Variants in SLC2A7 observed in about 807,000 individuals in gnomAD.
SLC2A7 encodes solute carrier family 2 member 7, also known as solute carrier family 2, facilitated glucose transporter member 7.
Under a neutral mutation model 50.5 loss-of-function variants are expected in SLC2A7, and 50 were observed. The observed-to-expected ratio is 0.99, with a 90% CI of 0.79 to 1.25. The LOEUF is 1.25. Among genes scored for constraint, SLC2A7 ranks in the 50% most tolerant of loss-of-function variants. The pLI is 0.00. For missense variants in SLC2A7, 683 were observed against 679.1 expected (o/e 1.01, Z -0.06); for synonymous variants, 308 against 300.4 (o/e 1.03, Z -0.26).
intron 1 of SLC2A7, among the ~76,000 whole-genome samples, chr1:9,025,524 T>C (rs975139718): frequency 1.3e-5 from 2 of 152,042 alleles, no homozygotes; most frequent in Admixed American, 1.3e-4. Context: ...AGAGACTGTG[T>C]TCAGTAGGGT....
the SLC2A7 span, among the ~76,000 whole-genome samples, chr1:8,994,697 G>A: frequency 2.8e-3 from 424 of 152,244 alleles, no homozygotes; most frequent in Non-Finnish European, 4.6e-3. Flanking sequence ...TTAGGGACTG[G>A]TTTAAGGTCA....
rs1330883499 is a variant in SLC2A7 at position 9,023,835 on chromosome 1, CTTCTTTTTTTTT to C, written c.151-769_151-758del. Among the ~76,000 whole-genome samples, 91 of 65,990 alleles carry C rather than the reference CTTCTTTTTTTTT, an allele frequency of 1.4e-3. 12 individuals carry two copies. The highest frequency in any genetic ancestry group is 9.3e-3 in the East Asian group (14 of 1,502). 43.3% of individuals were successfully genotyped at this position (65,990 alleles called of 152,430 possible). ...CAGAGGCACCATAGGAAATATTCTT[CTTCTTTTTTTTT>C]TTTTTTTTTTTTTTTTTTTTTTTTT... On this transcript the variant is annotated intron_variant, in intron 2 of 11. Coordinates refer to ENST00000400906, the MANE Select transcript of SLC2A7 (RefSeq NM_207420.3).
In SLC2A7 at chr1:9,008,924, G is replaced by C. The variant is rs1640700598; in HGVS notation, c.1116+1219C>G. Among the ~76,000 whole-genome samples, 1 of 152,200 alleles carries C rather than the reference G, an allele frequency of 6.6e-6. No individual in the cohort carries two copies. Among genetic ancestry groups the C allele is most frequent in the Non-Finnish European group, 1.5e-5 (1 of 68,040 alleles). On this transcript the variant is annotated intron_variant, in intron 9 of 11. Coordinates refer to ENST00000400906, the MANE Select transcript of SLC2A7 (RefSeq NM_207420.3). The surrounding 1 kb of genome is among the most constrained non-coding windows in gnomAD (Gnocchi z 5.9). The stretch of plus-strand genomic sequence containing the variant: ...AACTTATACTGGTTTTAAAATTAAA[G>C]AAGAAAGTTCTTTCCGAGGGAAACT...
chr1:9,015,320 G>A lies in SLC2A7; in HGVS notation c.590-78C>T, dbSNP rs967192405. On this transcript the variant is annotated intron_variant, in intron 5 of 11. Transcript: ENST00000400906. ...CCTACCACTGTGCTCGGAAGGTCAC[G>A]CTCCTATGTGTGAACCAAGGACTGT... 22 of 1,456,242 alleles carry A rather than the reference G, an allele frequency of 1.5e-5. No homozygotes were observed. The Admixed American group carries it at 1.6e-4, about 10-fold the overall frequency. The allele number at this position is 1,456,242 out of a possible 1,614,324, so 90.2% of individuals were successfully genotyped here. A position where few individuals can be genotyped will look rare whatever the true frequency, so the allele number is the denominator to read the frequency against.
intron 8 of SLC2A7, among the ~76,000 whole-genome samples, chr1:9,012,410 C>CTG (rs1640762125): frequency 6.6e-6 from 1 of 152,132 alleles, no homozygotes; most frequent in Admixed American, 6.5e-5. Flanking sequence ...CAGGGGAAAA[C>CTG]TGGGGATGGG....
In SLC2A7 at chr1:9,015,205, G is replaced by A. The variant is rs767895324; in HGVS notation, c.627C>T (p.Ala209=). The change falls in exon 6 of 12, where the codon GCC becomes GCT. Residue 209 remains alanine, a synonymous_variant. Coordinates refer to ENST00000400906, the MANE Select transcript of SLC2A7 (RefSeq NM_207420.3). ...PVLLALTGVP[A]LLQLLTLPFF... Reference sequence around the variant, plus strand: ...AGGGCAGGGTCAGCAGCTGCAGCAGGGCGGGCACCCCTGTGAGCGCCAGAA... The same window carrying A: ...AGGGCAGGGTCAGCAGCTGCAGCAGAGCGGGCACCCCTGTGAGCGCCAGAA... 2 of 1,609,006 alleles carry A rather than the reference G, an allele frequency of 1.2e-6. No homozygotes were observed. The highest frequency in any genetic ancestry group is 1.7e-6 in the Non-Finnish European group (2 of 1,178,486).
intron 1 of SLC2A7, among the ~76,000 whole-genome samples, chr1:9,026,021 G>A (rs1041450442): frequency 6.6e-6 from 1 of 152,210 alleles, no homozygotes; most frequent in African/African-American, 2.4e-5. Context: ...AAGGGTAGGG[G>A]AAGCGGAGGG....
intron 10 of SLC2A7, among the ~76,000 whole-genome samples, chr1:9,005,116 C>A (rs1640635902): frequency 6.6e-6 from 1 of 152,232 alleles, no homozygotes; most frequent in South Asian, 2.1e-4. Flanking sequence ...TCCATTGCTG[C>A]TTCTTCAAGG....
At position 9,015,044 on chromosome 1, in the gene SLC2A7, T is replaced by TGTGGCCCTGACC; in HGVS notation, c.715+61_715+72dup. ...ACCCCTGACCCATGGCGACCCTGAC[T>TGTGGCCCTGACC]GTGGCCCTGACCGTGTCTCTGCCTG... On this transcript the variant is annotated intron_variant, in intron 6 of 11. Coordinates refer to ENST00000400906, the MANE Select transcript of SLC2A7 (RefSeq NM_207420.3). 3.8e-6 allele frequency: 6 copies of TGTGGCCCTGACC among 1,589,422 alleles called. No individual in the cohort carries two copies. The East Asian group carries it at 6.8e-5, about 18-fold the overall frequency.
At chr1:9,023,997 A>G (rs1022831813) in intron 2 of SLC2A7, among the ~76,000 whole-genome samples, 1 of 151,788 alleles carries the variant, frequency 6.6e-6, no homozygotes, top group Non-Finnish European at 1.5e-5. Context: ...CTGGAATTAC[A>G]GATACCCGCC....
chr1:9,008,702 T>C lies in SLC2A7; in HGVS notation c.1117-1317A>G, dbSNP rs1640696295. The stretch of plus-strand genomic sequence containing the variant: ...ACCTCTGCCTCCTGAGTTCAAGTGA[T>C]TCTCCTGCCTCAGCCTCCCGAGTAA... On this transcript the variant is annotated intron_variant, in intron 9 of 11. Coordinates refer to ENST00000400906, the MANE Select transcript of SLC2A7 (RefSeq NM_207420.3). This position sits in a 1 kb window ranked among gnomAD's most constrained non-coding sequence, Gnocchi z 5.9. Among the ~76,000 whole-genome samples, 1 of 151,874 alleles carries C rather than the reference T, an allele frequency of 6.6e-6. No individual in the cohort carries two copies.
At chr1:9,000,534 G>A (rs1489595242), downstream of SLC2A7, among the ~76,000 whole-genome samples, 1 of 151,244 alleles carries the variant, frequency 6.6e-6, no homozygotes, top group Non-Finnish European at 1.5e-5. Context: ...CAGCTGAATC[G>A]CTTGAATCTG....
rs779011853 is a variant in SLC2A7, at chr1:9,015,164, G to A, written c.668C>T (p.Pro223Leu). The change falls in exon 6 of 12, where the codon CCC becomes CTC. Residue 223 changes from proline to leucine, a missense_variant. Physicochemically the swap from Pro to Leu is moderately conservative, Grantham distance 98. Coordinates refer to ENST00000400906, the MANE Select transcript of SLC2A7 (RefSeq NM_207420.3). ...LLTLPFFPES[P>L]RYSLIQKGDE... ...TCCTTTCTGAATCAGGGAGTAGCGG[G>A]GGCTTTCGGGGAAGAAGGGCAGGGT... 2 of 1,613,162 alleles carry A rather than the reference G, an allele frequency of 1.2e-6. No individual in the cohort carries two copies. Among genetic ancestry groups the A allele is most frequent in the African/African-American group, 2.7e-5 (2 of 75,028 alleles).
intron 8 of SLC2A7, among the ~76,000 whole-genome samples, chr1:9,012,390 G>T (rs1640761801): frequency 6.6e-6 from 1 of 152,158 alleles, no homozygotes; most frequent in South Asian, 2.1e-4. Context: ...ATAAAGGATG[G>T]ATCCTGCCCC....
At chr1:9,024,908 C>A (rs116744973) in intron 2 of SLC2A7, 68 bp downstream of exon 2, 2 of 1,544,530 alleles carry the variant, frequency 1.3e-6, no homozygotes, top group South Asian at 1.1e-5. Context: ...AGGAAGATGG[C>A]GGCTACCTTC....
At chr1:9,015,296 C>A in intron 5 of SLC2A7, 54 bp from the exon 6 acceptor site, 1 of 1,510,282 alleles carries the variant, frequency 6.6e-7, no homozygotes, top group South Asian at 1.3e-5. Flanking sequence ...CCTGGCCCAC[C>A]TACCACTGTG....
At chr1:9,018,154 C>A in intron 5 of SLC2A7, 69 bp downstream of exon 5, 1 of 1,597,088 alleles carries the variant, frequency 6.3e-7, no homozygotes, top group South Asian at 1.1e-5. Flanking sequence ...CTGACTCGAT[C>A]CGTCAGTAAC....
At chr1:9,004,549 C>G (rs1040766952) in intron 11 of SLC2A7, among the ~76,000 whole-genome samples, 1 of 143,272 alleles carries the variant, frequency 7.0e-6, no homozygotes, top group African/African-American at 2.5e-5. Flanking sequence ...ACAATGTCAG[C>G]AGGGGATCAC....
At chr1:9,010,067 G>T in intron 9 of SLC2A7, 76 bp downstream of exon 9, 2 of 1,391,616 alleles carry the variant, frequency 1.4e-6, no homozygotes, top group Non-Finnish European at 2.0e-6. Flanking sequence ...ACTTGGTGCA[G>T]CGGGCCCGGT....
Sources: allele counts gnomAD v4.1 joint callset (sites outside exome capture counted in the v4.1 genomes callset), GRCh38; gene constraint gnomAD v4.1.1; non-coding constraint Gnocchi (gnomAD v3.1); transcripts MANE v1.5; gene names NCBI Gene and HGNC (gene_info 2026-07-23, HGNC 2026-07-21).